Variants in TSHZ2 observed in about 807,000 individuals in gnomAD.
TSHZ2 encodes the protein teashirt zinc finger homeobox 2.
In TSHZ2, 21 loss-of-function variants were observed where a neutral mutation model predicts 74.4. That is an observed-to-expected ratio of 0.28 (90% CI 0.20 to 0.41). TSHZ2 has a LOEUF of 0.41. Among genes scored for constraint, TSHZ2 ranks in the 10% least tolerant of loss-of-function variants. The pLI, the probability that TSHZ2 is intolerant of heterozygous loss-of-function variation, is 1.00. For missense variants in TSHZ2, 1,244 were observed against 1,293.5 expected (o/e 0.96, Z 0.59); for synonymous variants, 540 against 515.3 (o/e 1.05, Z -0.65).
intron 2 of TSHZ2, among the ~76,000 whole-genome samples, chr20:53,293,721 AAAG>A (rs1651714354): frequency 7.4e-6 from 1 of 134,772 alleles, no homozygotes; most frequent in East Asian, 2.0e-4. Flanking sequence ...AAAAAAAAGA[AAAG>A]AAACAGGTCC....
chr20:53,047,420 C>T (rs143201432), intron 1 of TSHZ2, among the ~76,000 whole-genome samples: 21 of 152,180 alleles, frequency 1.4e-4, no homozygotes, highest in African/African-American at 5.1e-4. Flanking sequence ...TGGATTCTAC[C>T]ATTATATGCA....
At chr20:53,324,833 G>A (rs764512529) in intron 2 of TSHZ2, among the ~76,000 whole-genome samples, 1 of 152,182 alleles carries the variant, frequency 6.6e-6, no homozygotes, top group Admixed American at 6.5e-5. Flanking sequence ...AAGAGCACCC[G>A]GGATCAGGAA....
chr20:53,181,014 C>T (rs1988455131), intron 1 of TSHZ2, among the ~76,000 whole-genome samples: 1 of 152,100 alleles, frequency 6.6e-6, no homozygotes. Context: ...CTGGTCCCTC[C>T]CCTTCATTGA....
At chr20:53,138,145 G>C (rs1225125255) in intron 1 of TSHZ2, among the ~76,000 whole-genome samples, 1 of 152,128 alleles carries the variant, frequency 6.6e-6, no homozygotes, top group Non-Finnish European at 1.5e-5. Context: ...CACTTTGGGA[G>C]GCCAAGGCGG....
rs528773689 is a variant in TSHZ2, at chr20:53,492,132, A to G, written c.*4997A>G. 4 of 151,998 alleles carry G rather than the reference A, an allele frequency of 2.6e-5. No individual in the cohort carries two copies. Among genetic ancestry groups the G allele is most frequent in the Non-Finnish European group, 5.9e-5 (4 of 67,962 alleles). The allele number at this position is 151,998 out of a possible 1,614,324, so 9.4% of individuals were successfully genotyped here. A position where few individuals can be genotyped will look rare whatever the true frequency, so the allele number is the denominator to read the frequency against. On this transcript the variant is annotated 3_prime_UTR_variant, in exon 3 of 3. Coordinates refer to ENST00000371497, the MANE Select transcript of TSHZ2 (RefSeq NM_173485.6). ...TCAGAAAATAAATTTCAATGTGTTC[A>G]ATGAATTGTCTTGAACCTGAAACCT...
intron 2 of TSHZ2, among the ~76,000 whole-genome samples, chr20:53,268,105 A>C (rs1032891403): frequency 1.3e-5 from 2 of 152,086 alleles, no homozygotes; most frequent in African/African-American, 4.8e-5. Context: ...TTTTCAGGAG[A>C]AAGTGTGGAT....
intron 2 of TSHZ2, among the ~76,000 whole-genome samples, chr20:53,265,000 G>C (rs1990682125): frequency 6.6e-6 from 1 of 152,180 alleles, no homozygotes; most frequent in Non-Finnish European, 1.5e-5. Context: ...AAGAGTACCT[G>C]CTCCTCTCCA....
intron 2 of TSHZ2, among the ~76,000 whole-genome samples, chr20:53,272,080 C>T (rs562489845): frequency 1.4e-4 from 21 of 151,606 alleles, no homozygotes; most frequent in African/African-American, 4.8e-4. Context: ...GGTGCGATTT[C>T]GGCTCACTGC....
rs1361982511 is a variant in TSHZ2 at position 53,487,701 on chromosome 20, C to T, written c.*566C>T. ...ACAGTTGCACCTGGATTGCCCAGTCCTGCCCCTGCACTAGGGGACCATTAA... is the reference window on the plus strand; with the variant it reads ...ACAGTTGCACCTGGATTGCCCAGTCTTGCCCCTGCACTAGGGGACCATTAA... On this transcript the variant is annotated 3_prime_UTR_variant, in exon 3 of 3. Coordinates refer to ENST00000371497, the MANE Select transcript of TSHZ2 (RefSeq NM_173485.6). 2.6e-5 allele frequency: 4 copies of T among 152,160 alleles called. No individual in the cohort carries two copies. The allele number at this position is 152,160 out of a possible 1,614,324, so 9.4% of individuals were successfully genotyped here.
intron 1 of TSHZ2, among the ~76,000 whole-genome samples, chr20:52,996,545 TG>T (rs370202987): frequency 6.6e-4 from 100 of 152,254 alleles, no homozygotes; most frequent in African/African-American, 2.4e-3. Context: ...GGCATTCGGT[TG>T]TTGAGAAAGA....
At chr20:53,395,424 T>G (rs1162129291) in intron 2 of TSHZ2, among the ~76,000 whole-genome samples, 1 of 152,204 alleles carries the variant, frequency 6.6e-6, no homozygotes, top group African/African-American at 2.4e-5. Context: ...TTTCCTACGT[T>G]TATTTCCTGT....
In TSHZ2 at chr20:52,972,957, A is replaced by T; in HGVS notation, c.-337A>T. The stretch of plus-strand genomic sequence containing the variant: ...GTCTCAACAGTCACCAAAAAAAAAA[A>T]AAACCGCAAAAACAAAACCAAAAAA... On this transcript the variant is annotated 5_prime_UTR_variant, in exon 1 of 3. Coordinates refer to ENST00000371497, the MANE Select transcript of TSHZ2 (RefSeq NM_173485.6). 1 of 337,392 alleles carries T rather than the reference A, an allele frequency of 3.0e-6. No homozygotes were observed. The highest frequency in any genetic ancestry group is 5.3e-6 in the Non-Finnish European group (1 of 188,950). 20.9% of individuals were successfully genotyped at this position (337,392 alleles called of 1,614,324 possible). A position where few individuals can be genotyped will look rare whatever the true frequency, so the allele number is the denominator to read the frequency against.
intron 1 of TSHZ2, chr20:53,185,426 G>GCTC (rs985014066): frequency 1.5e-6 from 2 of 1,309,004 alleles, no homozygotes; most frequent in African/African-American, 3.0e-5. Flanking sequence ...TGTGATTCCA[G>GCTC]CACTTTGGGA....
chr20:53,458,557 T>C (rs1422547359), intron 2 of TSHZ2, among the ~76,000 whole-genome samples: 7 of 152,312 alleles, frequency 4.6e-5, no homozygotes, highest in African/African-American at 1.7e-4. Flanking sequence ...GTCTCTATTA[T>C]TTCCTTCAGT....
chr20:53,461,800 T>C (rs890462754), intron 2 of TSHZ2, among the ~76,000 whole-genome samples: 5 of 152,214 alleles, frequency 3.3e-5, no homozygotes, highest in African/African-American at 1.2e-4. Context: ...AATTACTTCA[T>C]GGTTACCAGG....
intron 2 of TSHZ2, among the ~76,000 whole-genome samples, chr20:53,420,153 T>C (rs961625531): frequency 6.6e-6 from 1 of 152,086 alleles, no homozygotes; most frequent in Non-Finnish European, 1.5e-5. Context: ...AAATAGATAA[T>C]ATGTTTAGAA....
intron 1 of TSHZ2, among the ~76,000 whole-genome samples, chr20:52,989,211 T>G (rs1034471775): frequency 3.3e-5 from 4 of 122,406 alleles, no homozygotes; most frequent in Admixed American, 7.6e-5. Context: ...ATTGGTGATG[T>G]TTTTTTTTAA....
intron 1 of TSHZ2, among the ~76,000 whole-genome samples, chr20:52,996,465 G>A (rs1349589501): frequency 1.3e-5 from 2 of 152,054 alleles, no homozygotes; most frequent in Admixed American, 6.6e-5. Context: ...GGAAAAAAAT[G>A]ACTGTATCCC....
chr20:52,974,826 G>T (rs1298368425), intron 1 of TSHZ2, among the ~76,000 whole-genome samples: 1 of 152,190 alleles, frequency 6.6e-6, no homozygotes, highest in African/African-American at 2.4e-5. Flanking sequence ...CTATTTGTAA[G>T]TTGGTTCAAG....
Sources: allele counts gnomAD v4.1 joint callset (sites outside exome capture counted in the v4.1 genomes callset), GRCh38; gene constraint gnomAD v4.1.1; transcripts MANE v1.5; gene names NCBI Gene and HGNC (gene_info 2026-07-23, HGNC 2026-07-21).